CNTN5: variants seen among roughly 807,000 people sequenced by gnomAD.
CNTN5 encodes the protein contactin 5.
In CNTN5, 77 loss-of-function variants were observed where a neutral mutation model predicts 129.1. That is an observed-to-expected ratio of 0.60 (90% CI 0.50 to 0.72). The LOEUF (loss-of-function observed/expected upper bound fraction) is 0.72. CNTN5 is among the 30% of genes least tolerant of loss of function. The probability of loss-of-function intolerance (pLI) is 0.00; values close to 1 mark genes in which losing one functional copy is unlikely to be tolerated. For synonymous variants in CNTN5, 509 were observed against 465.6 expected (o/e 1.09, Z -1.20); for missense variants, 1,478 against 1,328.8 (o/e 1.11, Z -1.75).
intron 4 of CNTN5, among the ~76,000 whole-genome samples, chr11:99,826,939 C>A (rs1444582032): frequency 6.6e-6 from 1 of 152,096 alleles, no homozygotes; most frequent in Non-Finnish European, 1.5e-5. Context: ...AAGGAAAAAA[C>A]TGATAATTAT....
At chr11:99,142,884 T>C (rs1055015473) in intron 1 of CNTN5, among the ~76,000 whole-genome samples, 2 of 152,132 alleles carry the variant, frequency 1.3e-5, no homozygotes, top group African/African-American at 4.8e-5. Context: ...GAGCCATTCA[T>C]GTCTATTTAA....
At chr11:100,315,052 T>C (rs1316834724) in intron 21 of CNTN5, among the ~76,000 whole-genome samples, 1 of 152,210 alleles carries the variant, frequency 6.6e-6, no homozygotes, top group Non-Finnish European at 1.5e-5. Context: ...TCTTGAATTT[T>C]TGTATTTTGC....
chr11:100,036,050 T>A (rs1019052706), intron 9 of CNTN5, among the ~76,000 whole-genome samples: 3 of 152,208 alleles, frequency 2.0e-5, no homozygotes, highest in African/African-American at 7.2e-5. Context: ...CCCATGCCTA[T>A]GTCATGAATG....
intron 15 of CNTN5, among the ~76,000 whole-genome samples, chr11:100,215,981 G>T (rs539929079): frequency 6.6e-6 from 1 of 152,260 alleles, no homozygotes; most frequent in South Asian, 2.1e-4. Context: ...AAAAGAAATT[G>T]CTTTTATCTG....
At chr11:100,081,467 A>G (rs1019990607) in intron 13 of CNTN5, among the ~76,000 whole-genome samples, 2 of 152,150 alleles carry the variant, frequency 1.3e-5, no homozygotes, top group African/African-American at 4.8e-5. Flanking sequence ...ATCTTACTAC[A>G]GAAGCTGGCT....
intron 1 of CNTN5, among the ~76,000 whole-genome samples, chr11:99,184,538 A>G (rs1029686288): frequency 2.0e-5 from 3 of 152,106 alleles, no homozygotes; most frequent in African/African-American, 7.2e-5. Flanking sequence ...AACATTTTAT[A>G]TAGTGAGTGT....
chr11:100,237,355 T>C (rs2138669694), intron 16 of CNTN5, among the ~76,000 whole-genome samples: 1 of 152,308 alleles, frequency 6.6e-6, no homozygotes, highest in South Asian at 2.1e-4. Flanking sequence ...TCAGTCTGTG[T>C]TCCAAAATAC....
chr11:99,743,724 T>C (rs1169341234), intron 3 of CNTN5, among the ~76,000 whole-genome samples: 2 of 152,034 alleles, frequency 1.3e-5, no homozygotes, highest in Admixed American at 6.6e-5. Context: ...TCAAACCTAT[T>C]TAGAAGCCCA....
intron 3 of CNTN5, among the ~76,000 whole-genome samples, chr11:99,598,095 A>G (rs1950178943): frequency 6.6e-6 from 1 of 152,100 alleles, no homozygotes; most frequent in Non-Finnish European, 1.5e-5. Flanking sequence ...TGTAGGGAAT[A>G]TGATACCAGT....
intron 1 of CNTN5, among the ~76,000 whole-genome samples, chr11:99,104,385 G>C (rs1041577859): frequency 3.9e-5 from 6 of 151,948 alleles, no homozygotes; most frequent in Non-Finnish European, 5.9e-5. Flanking sequence ...GAGTTATGAC[G>C]ACCAAAGCGG....
intron 2 of CNTN5, among the ~76,000 whole-genome samples, chr11:99,342,589 A>C (rs1255867512): frequency 1.2e-4 from 17 of 145,706 alleles, no homozygotes; most frequent in Middle Eastern, 3.5e-3. Flanking sequence ...AAAAAAAAAA[A>C]AAAAAAAAAA....
At chr11:99,736,296 T>C (rs1943708479) in intron 3 of CNTN5, among the ~76,000 whole-genome samples, 1 of 152,176 alleles carries the variant, frequency 6.6e-6, no homozygotes, top group African/African-American at 2.4e-5. Flanking sequence ...TTACTGTGGA[T>C]TGGCTAATTT....
intron 8 of CNTN5, among the ~76,000 whole-genome samples, chr11:99,989,966 C>T (rs1396031115): frequency 4.6e-5 from 7 of 152,240 alleles, no homozygotes; most frequent in African/African-American, 9.6e-5. Context: ...GGGGTTTCAC[C>T]GTGTTAGCCA....
At chr11:99,299,566 G>A (rs1186934285) in intron 1 of CNTN5, among the ~76,000 whole-genome samples, 1 of 152,102 alleles carries the variant, frequency 6.6e-6, no homozygotes, top group African/African-American at 2.4e-5. Flanking sequence ...ATGTGGAATG[G>A]TCTCCAATGT....
chr11:99,165,120 T>C (rs1038847959), intron 1 of CNTN5, among the ~76,000 whole-genome samples: 4 of 152,180 alleles, frequency 2.6e-5, no homozygotes, highest in African/African-American at 9.7e-5. Context: ...GAATGAAATT[T>C]ATTGCAAATG....
chr11:99,738,122 G>A (rs1481619473), intron 3 of CNTN5, among the ~76,000 whole-genome samples: 2 of 152,232 alleles, frequency 1.3e-5, no homozygotes, highest in South Asian at 2.1e-4. Flanking sequence ...TATGCCTCCC[G>A]ACTTCAAATC....
chr11:99,892,629 A>G (rs1248665271), intron 6 of CNTN5, among the ~76,000 whole-genome samples: 1 of 152,124 alleles, frequency 6.6e-6, no homozygotes, highest in East Asian at 1.9e-4. Context: ...CAAAGATCAA[A>G]TGGTTTTAGA....
intron 1 of CNTN5, among the ~76,000 whole-genome samples, chr11:99,152,195 A>G (rs1001597728): frequency 1.3e-5 from 2 of 152,188 alleles, no homozygotes; most frequent in Non-Finnish European, 2.9e-5. Context: ...GCCCACATCA[A>G]CTTTTCATTT....
chr11:99,625,329 A>T (rs555478068), intron 3 of CNTN5, among the ~76,000 whole-genome samples: 1 of 152,288 alleles, frequency 6.6e-6, no homozygotes, highest in Admixed American at 6.5e-5. Flanking sequence ...GCCTCAAAGC[A>T]ATTGTGTTTC....
Sources: gnomAD v4.1 joint callset for allele counts (sites outside exome capture counted in the v4.1 genomes callset) on GRCh38, gnomAD v4.1.1 for gene constraint, MANE v1.5 for transcripts, NCBI Gene and HGNC (gene_info 2026-07-23, HGNC 2026-07-21) for gene names.